SYT14: variants seen among roughly 807,000 people sequenced by gnomAD.
SYT14 encodes synaptotagmin-14.
A neutral mutation model predicts 74.2 loss-of-function variants in SYT14; 32 were observed. The ratio of observed to expected loss-of-function variants is 0.43; its 90% CI spans 0.33 to 0.58. The LOEUF is 0.58. Ranked by LOEUF, SYT14 falls within the 20% of genes least tolerant of loss-of-function variation. The pLI is 0.05. For missense variants in SYT14, 791 were observed against 981.8 expected, an observed-to-expected ratio of 0.81 and a Z score of 2.60; for synonymous variants, 298 against 337.7, an observed-to-expected ratio of 0.88 and a Z score of 1.29.
At chr1:210,117,052 T>C (rs575154867) in intron 7 of SYT14, among the ~76,000 whole-genome samples, 1 of 152,310 alleles carries the variant, frequency 6.6e-6, no homozygotes, top group African/African-American at 2.4e-5. Flanking sequence ...TAGGGACATA[T>C]GTGTGTATGC....
At chr1:210,066,280 T>C (rs895973790) in intron 5 of SYT14, among the ~76,000 whole-genome samples, 14 of 151,972 alleles carry the variant, frequency 9.2e-5, no homozygotes, top group African/African-American at 3.1e-4. Context: ...TTTCTAGTTC[T>C]AGATCCCTGA....
At chr1:210,071,938 A>C (rs1314797415) in intron 5 of SYT14, among the ~76,000 whole-genome samples, 2 of 151,912 alleles carry the variant, frequency 1.3e-5, no homozygotes, top group Non-Finnish European at 2.9e-5. Flanking sequence ...CTTTCATATA[A>C]TTAGAAGTTT....
At chr1:210,105,164 T>G (rs770368071) in intron 7 of SYT14, among the ~76,000 whole-genome samples, 4 of 152,196 alleles carry the variant, frequency 2.6e-5, no homozygotes, top group Non-Finnish European at 4.4e-5. Context: ...CCCAGCAATC[T>G]GCATTTTAAC....
chr1:210,144,574 T>TA (rs1162371935), intron 7 of SYT14, among the ~76,000 whole-genome samples: 1 of 152,062 alleles, frequency 6.6e-6, no homozygotes, highest in East Asian at 1.9e-4. Flanking sequence ...TAGTTAAAAT[T>TA]ATATTTTTAA....
At chr1:210,112,827 A>G (rs2082288874) in intron 7 of SYT14, among the ~76,000 whole-genome samples, 1 of 151,364 alleles carries the variant, frequency 6.6e-6, no homozygotes, top group Admixed American at 6.5e-5. Flanking sequence ...TATGGAAGGC[A>G]TATTTAGAGT....
intron 5 of SYT14, among the ~76,000 whole-genome samples, chr1:210,063,274 C>A (rs2081238784): frequency 6.6e-6 from 1 of 151,602 alleles, no homozygotes; most frequent in African/African-American, 2.4e-5. Flanking sequence ...TAGCATTCTT[C>A]TTTTCCAAAT....
exon 6 of SYT14, chr1:210,094,575 T>A (rs1371713022): frequency 6.2e-7 from 1 of 1,613,916 alleles, no homozygotes; most frequent in Non-Finnish European, 8.5e-7. Context: ...GTGACAGCAC[T>A]GCAGTCCTGA....
chr1:210,099,538 A>G (rs1482999931), intron 6 of SYT14, among the ~76,000 whole-genome samples: 1 of 152,104 alleles, frequency 6.6e-6, no homozygotes, highest in African/African-American at 2.4e-5. Context: ...TTTATTACAG[A>G]TGGGGGTGTT....
At chr1:210,050,568 G>A (rs554496023) in intron 5 of SYT14, among the ~76,000 whole-genome samples, 4 of 152,264 alleles carry the variant, frequency 2.6e-5, no homozygotes, top group African/African-American at 7.2e-5. Flanking sequence ...GCATTAGTCC[G>A]TTTTTACACC....
intron 7 of SYT14, among the ~76,000 whole-genome samples, chr1:210,127,959 G>A (rs1218388103): frequency 2.1e-4 from 32 of 151,942 alleles, no homozygotes; most frequent in East Asian, 1.9e-4. Flanking sequence ...CCTGGGAGGC[G>A]GAGGTTGCAG....
chr1:209,980,254 C>T (rs1438307276), intron 2 of SYT14, among the ~76,000 whole-genome samples: 1 of 152,044 alleles, frequency 6.6e-6, no homozygotes, highest in Non-Finnish European at 1.5e-5. Flanking sequence ...GCATGTGTAT[C>T]TTCTTTTGAG....
In SYT14 at chr1:210,005,473, AAAAG is replaced by A. The variant is rs530718217; in HGVS notation, c.-485-8149_-485-8146del. ...GTAGCTCAGCATGAAGATCTTATTG[AAAAG>A]AAAGAAAGAATCATTGAAAAAGTAA... On this transcript the variant is annotated intron_variant, in intron 2 of 9. Transcript: ENST00000637265. 7.2e-5 allele frequency among the ~76,000 whole-genome samples: 11 copies of A among 152,074 alleles called. No homozygotes were observed. In the South Asian group the frequency reaches 1.5e-3, roughly 20 times the overall value.
At chr1:210,074,718 A>G (rs973909147) in intron 5 of SYT14, among the ~76,000 whole-genome samples, 3 of 152,070 alleles carry the variant, frequency 2.0e-5, no homozygotes, top group African/African-American at 7.2e-5. Context: ...AGGGCGTGTG[A>G]TGGTGGTGTG....
At chr1:210,103,148 A>C (rs969877848) in intron 7 of SYT14, among the ~76,000 whole-genome samples, 1 of 152,146 alleles carries the variant, frequency 6.6e-6, no homozygotes, top group Non-Finnish European at 1.5e-5. Context: ...TATAAAATTT[A>C]GTTTTATAGC....
chr1:210,151,329 G>A (rs907757408), intron 7 of SYT14, among the ~76,000 whole-genome samples: 1 of 152,150 alleles, frequency 6.6e-6, no homozygotes, highest in Non-Finnish European at 1.5e-5. Flanking sequence ...GGAGCAGCAT[G>A]CCCTGAGGAG....
chr1:210,100,397 C>G, exon 7 of SYT14: 1 of 1,613,436 alleles, frequency 6.2e-7, no homozygotes. Context: ...TTTTATTTAA[C>G]AAAATTGAAT....
intron 5 of SYT14, among the ~76,000 whole-genome samples, chr1:210,059,600 G>T (rs543830939): frequency 6.6e-6 from 1 of 151,952 alleles, no homozygotes; most frequent in South Asian, 2.1e-4. Flanking sequence ...TTCATGCACT[G>T]CATGTTTTCT....
intron 2 of SYT14, among the ~76,000 whole-genome samples, chr1:209,991,099 T>A (rs2079676956): frequency 6.6e-6 from 1 of 152,092 alleles, no homozygotes; most frequent in Non-Finnish European, 1.5e-5. Context: ...GAAACTGGAC[T>A]CCTAACTCTC....
At chr1:210,008,524 C>T (rs1232630980) in intron 2 of SYT14, among the ~76,000 whole-genome samples, 4 of 151,954 alleles carry the variant, frequency 2.6e-5, no homozygotes, top group South Asian at 2.1e-4. Flanking sequence ...CCACCACACC[C>T]GGCTAATTTT....
Sources: allele counts gnomAD v4.1 joint callset (sites outside exome capture counted in the v4.1 genomes callset), GRCh38; gene constraint gnomAD v4.1.1; transcripts MANE v1.5; gene names NCBI Gene and HGNC (gene_info 2026-07-23, HGNC 2026-07-21).